Variants in FANCC observed in about 807,000 individuals in gnomAD.
FANCC encodes the protein Fanconi anemia group C protein.
FANCC carries 55 observed loss-of-function variants against 71.3 expected under a neutral mutation model. The ratio of observed to expected loss-of-function variants is 0.77; its 90% confidence interval spans 0.62 to 0.97. The LOEUF (loss-of-function observed/expected upper bound fraction) is 0.97, where lower values mean the gene tolerates loss of function less well. FANCC is among the 50% of genes least tolerant of loss of function. FANCC has a pLI of 0.00. For missense variants in FANCC, 678 were observed against 670.9 expected (o/e 1.01, Z -0.12); for synonymous variants, 275 against 244.9 (o/e 1.12, Z -1.15).
At chr9:95,141,989 T>TG (rs1828791035) in intron 7 of FANCC, among the ~76,000 whole-genome samples, 1 of 136,426 alleles carries the variant, frequency 7.3e-6, no homozygotes, top group Admixed American at 7.3e-5. Context: ...TGTGGGGTTT[T>TG]TTTTTTTTTT....
intron 1 of FANCC, among the ~76,000 whole-genome samples, chr9:95,254,553 A>G (rs1298967953): frequency 6.6e-6 from 1 of 152,238 alleles, no homozygotes; most frequent in Non-Finnish European, 1.5e-5. Flanking sequence ...CAGCACAGAC[A>G]CTACGCTTTT....
intron 1 of FANCC, among the ~76,000 whole-genome samples, chr9:95,290,567 GCCAACTA>G: frequency 6.6e-6 from 1 of 152,304 alleles, no homozygotes; most frequent in Non-Finnish European, 1.5e-5. Context: ...GGGTTATTAA[GCCAACTA>G]CCAGAGTGGG....
chr9:95,175,145 A>T (rs1825936419), intron 4 of FANCC, among the ~76,000 whole-genome samples: 1 of 152,084 alleles, frequency 6.6e-6, no homozygotes. Context: ...CTGCCTCCGT[A>T]TCCTTAAAAG....
At chr9:95,109,348 G>A (rs1168807912) in intron 13 of FANCC, among the ~76,000 whole-genome samples, 2 of 152,122 alleles carry the variant, frequency 1.3e-5, no homozygotes, top group Non-Finnish European at 2.9e-5. Flanking sequence ...ATGCTGTGCT[G>A]AATATTCTTA....
intron 7 of FANCC, among the ~76,000 whole-genome samples, chr9:95,149,654 T>C (rs1489541416): frequency 6.6e-6 from 1 of 152,032 alleles, no homozygotes; most frequent in Non-Finnish European, 1.5e-5. Context: ...AATTTTTGCA[T>C]TTTTAGTAGA....
chr9:95,274,115 G>A (rs1832900310), intron 1 of FANCC, among the ~76,000 whole-genome samples: 1 of 152,136 alleles, frequency 6.6e-6, no homozygotes, highest in Admixed American at 6.5e-5. Context: ...ATGGTGGTTT[G>A]CTGCACCGAT....
intron 4 of FANCC, among the ~76,000 whole-genome samples, chr9:95,202,153 C>G (rs549503113): frequency 3.3e-5 from 5 of 152,262 alleles, no homozygotes; most frequent in Non-Finnish European, 4.4e-5. Context: ...GTATTAAGCT[C>G]GGAGAAGGAG....
At chr9:95,280,592 T>G (rs1328515300) in intron 1 of FANCC, among the ~76,000 whole-genome samples, 1 of 152,040 alleles carries the variant, frequency 6.6e-6, no homozygotes, top group African/African-American at 2.4e-5. Flanking sequence ...AAAAAAGCAA[T>G]TAAAAATAAA....
intron 1 of FANCC, among the ~76,000 whole-genome samples, chr9:95,285,886 G>A (rs1388482228): frequency 6.6e-6 from 1 of 152,102 alleles, no homozygotes; most frequent in African/African-American, 2.4e-5. Context: ...TGATATAAAA[G>A]GATGTTCACT....
intron 4 of FANCC, among the ~76,000 whole-genome samples, chr9:95,231,435 G>A (rs1297428999): frequency 6.7e-6 from 1 of 150,052 alleles, no homozygotes; most frequent in Non-Finnish European, 1.5e-5. Flanking sequence ...GCAGCAGGGA[G>A]GCGCCTGGCC....
rs77496722 is a variant in FANCC, at chr9:95,271,741, T to C, written c.-78-22372A>G. 3.3e-3 allele frequency among the ~76,000 whole-genome samples: 508 copies of C among 152,076 alleles called. 9 individuals carry two copies. In the East Asian group the frequency reaches 0.044, roughly 13 times the overall value. Reference sequence around the variant, plus strand: ...TTGCTTTTTTTTTTGATCTGAAGATTCCCTTCTACCAATATACCAAAGGTT... The same window carrying C: ...TTGCTTTTTTTTTTGATCTGAAGATCCCCTTCTACCAATATACCAAAGGTT... On this transcript the variant is annotated intron_variant, in intron 1 of 14. Transcript: ENST00000289081.
chr9:95,105,711 C>A (rs1379478579), intron 14 of FANCC, among the ~76,000 whole-genome samples: 1 of 152,228 alleles, frequency 6.6e-6, no homozygotes, highest in Non-Finnish European at 1.5e-5. Flanking sequence ...CTTCCAGGTG[C>A]CTCACCTAAG....
At chr9:95,161,159 CA>C (rs1039873048) in intron 6 of FANCC, among the ~76,000 whole-genome samples, 11 of 152,212 alleles carry the variant, frequency 7.2e-5, no homozygotes, top group African/African-American at 2.6e-4. Context: ...ATTCAAGGAA[CA>C]GGGGGCAACC....
chr9:95,201,048 CT>C (rs1827774718), intron 4 of FANCC, among the ~76,000 whole-genome samples: 1 of 152,036 alleles, frequency 6.6e-6, no homozygotes, highest in Non-Finnish European at 1.5e-5. Context: ...AATGAATTGC[CT>C]TTTATAAATG....
chr9:95,171,147 T>A lies in FANCC; in HGVS notation c.457-4A>T. On this transcript the variant is annotated splice_polypyrimidine_tract_variant and splice_region_variant and intron_variant, in intron 5 of 14. Transcript: ENST00000289081. Reference sequence around the variant, plus strand: ...CAGACGCTAATGATAAAACCATCTGTAAAACAAAATCAGTTGCAGGTTAAC... The same window carrying A: ...CAGACGCTAATGATAAAACCATCTGAAAAACAAAATCAGTTGCAGGTTAAC... 1 of 1,611,604 alleles carries A rather than the reference T, an allele frequency of 6.2e-7. No individual in the cohort carries two copies. The highest frequency in any genetic ancestry group is 8.5e-7 in the Non-Finnish European group (1 of 1,177,892).
At chr9:95,117,650 C>T (rs1267611366) in intron 10 of FANCC, among the ~76,000 whole-genome samples, 1 of 151,846 alleles carries the variant, frequency 6.6e-6, no homozygotes, top group African/African-American at 2.4e-5. Flanking sequence ...TTCACATGAA[C>T]CCAATTATAC....
rs967276851 is a variant in FANCC at position 95,099,731 on chromosome 9, G to GGC, written c.*1974_*1975dup. The GGC allele has an allele frequency of 1.7e-4, 40 of 232,284 alleles. No homozygotes were observed. The highest frequency in any genetic ancestry group is 3.3e-4 in the Non-Finnish European group (39 of 117,602). The allele number at this position is 232,284 out of a possible 1,614,324, so 14.4% of individuals were successfully genotyped here. On this transcript the variant is annotated 3_prime_UTR_variant, in exon 15 of 15. Transcript: ENST00000289081. The stretch of plus-strand genomic sequence containing the variant: ...CCCTGGCTGCCCAGAAAGCACCACC[G>GGC]GCAAGGCCGCCTCCACCGCACCCGT...
At chr9:95,189,252 A>G (rs1054530027) in intron 4 of FANCC, among the ~76,000 whole-genome samples, 7 of 152,130 alleles carry the variant, frequency 4.6e-5, no homozygotes, top group African/African-American at 1.7e-4. Flanking sequence ...AATGATCTAC[A>G]ATAAAAACCT....
intron 1 of FANCC, chr9:95,293,212 A>G (rs1357452467): frequency 3.7e-6 from 6 of 1,612,742 alleles, no homozygotes; most frequent in South Asian, 2.2e-5. Context: ...GATAGCCTCA[A>G]AAGTTGCTTT....
Sources: allele counts gnomAD v4.1 joint callset (sites outside exome capture counted in the v4.1 genomes callset), GRCh38; gene constraint gnomAD v4.1.1; transcripts MANE v1.5; gene names NCBI Gene and HGNC (gene_info 2026-07-23, HGNC 2026-07-21).